The following DYNC2H1 variants were observed in gnomAD, a reference collection of about 807,000 sequenced individuals.
DYNC2H1 encodes the protein dynein cytoplasmic 2 heavy chain 1.
A neutral mutation model predicts 570.0 loss-of-function variants in DYNC2H1; 410 were observed. The ratio of observed to expected loss-of-function variants is 0.72; its 90% CI spans 0.66 to 0.78. The LOEUF is 0.78. DYNC2H1 is among the 30% of genes least tolerant of loss of function. The pLI, the probability that DYNC2H1 is intolerant of heterozygous loss-of-function variation, is 0.00. For synonymous variants in DYNC2H1, 1,688 were observed against 1,677.6 expected (o/e 1.01, Z -0.15); for missense variants, 4,865 against 5,046.4 (o/e 0.96, Z 1.09).
At chr11:103,235,118 A>G (rs1864171441) in intron 61 of DYNC2H1, among the ~76,000 whole-genome samples, 1 of 151,890 alleles carries the variant, frequency 6.6e-6, no homozygotes, top group Non-Finnish European at 1.5e-5. Context: ...ATCTGATTAC[A>G]TTACTCATTG....
At position 103,124,997 on chromosome 11, in the gene DYNC2H1, G is replaced by T. The variant is rs576429001; in HGVS notation, c.1662-103G>T. On this transcript the variant is annotated intron_variant, in intron 11 of 88. Transcript: ENST00000375735. ...TAATTAAAAAGTTTTTTTTTACTTT[G>T]AGCTAATATTAGATGTACAGAAAAG... 200 of 790,824 alleles carry T rather than the reference G, an allele frequency of 2.5e-4. No individual in the cohort carries two copies. In the African/African-American group the frequency reaches 3.6e-3, roughly 14 times the overall value. The allele number at this position is 790,824 out of a possible 1,614,324, so 49.0% of individuals were successfully genotyped here. A position where few individuals can be genotyped will look rare whatever the true frequency, so the allele number is the denominator to read the frequency against.
intron 84 of DYNC2H1, among the ~76,000 whole-genome samples, chr11:103,429,656 C>T (rs1943817740): frequency 6.6e-6 from 1 of 152,114 alleles, no homozygotes; most frequent in South Asian, 2.1e-4. Context: ...TTGTCTTTAT[C>T]CTTCTGAAAT....
intron 65 of DYNC2H1, among the ~76,000 whole-genome samples, chr11:103,250,571 A>G (rs910488279): frequency 6.6e-6 from 1 of 152,080 alleles, no homozygotes; most frequent in African/African-American, 2.4e-5. Context: ...CCAACTTTTA[A>G]TGTTGATTTT....
At chr11:103,296,904 T>G (rs1304415643) in intron 75 of DYNC2H1, among the ~76,000 whole-genome samples, 3 of 152,160 alleles carry the variant, frequency 2.0e-5, no homozygotes, top group Middle Eastern at 3.2e-3. Flanking sequence ...GTTATGTTTC[T>G]TTTTTCATTC....
intron 63 of DYNC2H1, among the ~76,000 whole-genome samples, chr11:103,237,284 C>T (rs1591454544): frequency 6.6e-6 from 1 of 151,932 alleles, no homozygotes; most frequent in Admixed American, 6.6e-5. Flanking sequence ...CACACTATTT[C>T]CTTATTCTTA....
intron 45 of DYNC2H1, among the ~76,000 whole-genome samples, chr11:103,190,391 G>A (rs549400057): frequency 2.0e-5 from 3 of 152,298 alleles, no homozygotes; most frequent in African/African-American, 4.8e-5. Flanking sequence ...ATATAAATAA[G>A]CTATTAATGC....
intron 78 of DYNC2H1, among the ~76,000 whole-genome samples, chr11:103,310,634 T>TAA (rs1023395897): frequency 9.3e-5 from 14 of 150,312 alleles, no homozygotes; most frequent in African/African-American, 3.2e-4. Context: ...TAAAAAAGTG[T>TAA]AAATTTGATA....
chr11:103,233,567 G>A (rs1591448662), intron 60 of DYNC2H1, among the ~76,000 whole-genome samples: 2 of 151,838 alleles, frequency 1.3e-5, no homozygotes, highest in East Asian at 3.9e-4. Flanking sequence ...GAGGAAGGGT[G>A]TGGTTGGAAG....
rs1206923947 is a variant in DYNC2H1 at position 103,189,821 on chromosome 11, A to T, written c.7437+5A>T. The T allele has an allele frequency of 6.3e-7, 1 of 1,591,028 alleles. No individual in the cohort carries two copies. The highest frequency in any genetic ancestry group is 1.2e-5 in the South Asian group (1 of 86,870). Reference sequence around the variant, plus strand: ...ATGGTACAAGTGTATGAACAGGTAGATATGCATCTAAATTGTAGCTTTCAT... The same window carrying T: ...ATGGTACAAGTGTATGAACAGGTAGTTATGCATCTAAATTGTAGCTTTCAT... On this transcript the variant is annotated splice_donor_5th_base_variant and intron_variant, in intron 45 of 88. Transcript: ENST00000375735. The surrounding 1 kb of genome is among the most constrained non-coding windows in gnomAD (Gnocchi z 4.3).
Position 103,305,388 on chromosome 11 carries a change from A to G in DYNC2H1, c.11382+668A>G, listed in dbSNP as rs2135400939. On this transcript the variant is annotated intron_variant, in intron 77 of 88. Coordinates refer to ENST00000375735, the MANE Select transcript of DYNC2H1 (RefSeq NM_001377.3). The surrounding 1 kb of genome is among the most constrained non-coding windows in gnomAD (Gnocchi z 4.3). Reference sequence around the variant, plus strand: ...GGGATGTCCACCCCTAGTACAAGGAATGAAGAGATGTCCTTGATAGTACTA... The same window carrying G: ...GGGATGTCCACCCCTAGTACAAGGAGTGAAGAGATGTCCTTGATAGTACTA... Among the ~76,000 whole-genome samples, 1 of 152,252 alleles carries G rather than the reference A, an allele frequency of 6.6e-6. No individual in the cohort carries two copies. Among genetic ancestry groups the G allele is most frequent in the South Asian group, 2.1e-4 (1 of 4,822 alleles).
In DYNC2H1 at chr11:103,303,092, G is replaced by T; in HGVS notation, c.11096-1G>T. 3 of 1,495,918 alleles carry T rather than the reference G, an allele frequency of 2.0e-6. No homozygotes were observed. Among genetic ancestry groups the T allele is most frequent in the East Asian group, 2.4e-5 (1 of 41,502 alleles). 92.7% of individuals were successfully genotyped at this position (1,495,918 alleles called of 1,614,324 possible). ...TTTAATTTTTAAAATATATATTTTA[G>T]GACTGAAAGAGGTGTCCCCACTGCC... On this transcript the variant is annotated splice_acceptor_variant, in intron 75 of 88. Coordinates refer to ENST00000375735, the MANE Select transcript of DYNC2H1 (RefSeq NM_001377.3). LOFTEE classifies it high-confidence loss of function.
chr11:103,441,396 A>G (rs1477515333), intron 85 of DYNC2H1, among the ~76,000 whole-genome samples: 1 of 133,990 alleles, frequency 7.5e-6, no homozygotes, highest in African/African-American at 2.8e-5. Context: ...TTCCATCTTT[A>G]TTTTTCTCTG....
intron 83 of DYNC2H1, among the ~76,000 whole-genome samples, chr11:103,358,966 T>C (rs910997550): frequency 6.6e-6 from 1 of 152,210 alleles, no homozygotes; most frequent in African/African-American, 2.4e-5. Context: ...CCTTAATTAT[T>C]GCAAAGATCT....
rs1865597589 is a variant in DYNC2H1 at position 103,268,748 on chromosome 11, C to A, written c.10695+8771C>A. ...TATTATTATTAAAAATTGTTTATGG[C>A]AAAAGAGAATATAAACTTCCTTCTT... On this transcript the variant is annotated intron_variant, in intron 70 of 88. Coordinates refer to ENST00000375735, the MANE Select transcript of DYNC2H1 (RefSeq NM_001377.3). The surrounding 1 kb of genome is among the most constrained non-coding windows in gnomAD (Gnocchi z 4.6). Among the ~76,000 whole-genome samples the A allele has an allele frequency of 6.6e-6, 1 of 151,832 alleles. No individual in the cohort carries two copies. Among genetic ancestry groups the A allele is most frequent in the African/African-American group, 2.4e-5 (1 of 41,408 alleles).
chr11:103,253,577 T>TGTA (rs1864926302), intron 66 of DYNC2H1, 129 bp downstream of exon 66: 1 of 925,660 alleles, frequency 1.1e-6, no homozygotes, highest in African/African-American at 1.7e-5. Context: ...AAATAATACT[T>TGTA]GTATGTTGGA....
chr11:103,144,559 T>A (rs1860138355), intron 18 of DYNC2H1, among the ~76,000 whole-genome samples: 1 of 152,174 alleles, frequency 6.6e-6, no homozygotes, highest in Non-Finnish European at 1.5e-5. Flanking sequence ...GCAACAGGAA[T>A]TGTGTGCTGA....
chr11:103,407,388 A>G (rs1288953660), intron 84 of DYNC2H1: 1 of 120,696 alleles, frequency 8.3e-6, no homozygotes, highest in Non-Finnish European at 1.7e-5. Context: ...TCTAGAAATA[A>G]GAGGATTTAA....
intron 83 of DYNC2H1, among the ~76,000 whole-genome samples, chr11:103,360,631 A>T (rs1940593692): frequency 6.6e-6 from 1 of 152,110 alleles, no homozygotes; most frequent in South Asian, 2.1e-4. Context: ...TTTATTTCAC[A>T]ATATTATTGG....
At chr11:103,134,178 C>A in intron 14 of DYNC2H1, 143 bp from the exon 15 acceptor site, 1 of 645,948 alleles carries the variant, frequency 1.5e-6, no homozygotes, top group Non-Finnish European at 2.6e-6. Context: ...CTTCTCAGTA[C>A]ATTGGTCAAG....
Sources: gnomAD v4.1 joint callset for allele counts (sites outside exome capture counted in the v4.1 genomes callset) on GRCh38, gnomAD v4.1.1 for gene constraint, Gnocchi (gnomAD v3.1) non-coding constraint, MANE v1.5 for transcripts, NCBI Gene and HGNC (gene_info 2026-07-23, HGNC 2026-07-21) for gene names.